Variants in GLCE observed in about 807,000 individuals in gnomAD.
The protein encoded by GLCE is D-glucuronyl C5-epimerase.
Under a neutral mutation model 47.9 loss-of-function variants are expected in GLCE, and 19 were observed. The observed-to-expected ratio is 0.40, with a 90% CI of 0.28 to 0.58. The LOEUF (loss-of-function observed/expected upper bound fraction) is 0.58, where lower values mean the gene tolerates loss of function less well. GLCE is among the 20% of genes least tolerant of loss of function. The pLI is 0.48. For missense variants in GLCE, 556 were observed against 743.3 expected (o/e 0.75, Z 2.93); for synonymous variants, 245 against 263.4 (o/e 0.93, Z 0.68).
At chr15:69,248,224 G>C (rs1343226616) in intron 2 of GLCE, among the ~76,000 whole-genome samples, 1 of 152,136 alleles carries the variant, frequency 6.6e-6, no homozygotes, top group Non-Finnish European at 1.5e-5. Flanking sequence ...ATATTAGGCA[G>C]TTCTCCTTTG....
At chr15:69,246,021 G>A (rs748465507) in intron 2 of GLCE, among the ~76,000 whole-genome samples, 9 of 152,228 alleles carry the variant, frequency 5.9e-5, no homozygotes, top group South Asian at 2.1e-4. Flanking sequence ...GAGCCACCGC[G>A]CCCGGCCAGT....
chr15:69,184,799 G>A (rs893493152), intron 1 of GLCE, among the ~76,000 whole-genome samples: 4 of 152,196 alleles, frequency 2.6e-5, no homozygotes, highest in African/African-American at 9.6e-5. Flanking sequence ...GGGATTCTCA[G>A]ATTCTCTTCA....
At chr15:69,255,491 G>A (rs775258215) in intron 2 of GLCE, among the ~76,000 whole-genome samples, 19 of 152,026 alleles carry the variant, frequency 1.2e-4, no homozygotes, top group Non-Finnish European at 2.6e-4. Context: ...AACTGTATTA[G>A]GTATTTCTTT....
intron 1 of GLCE, among the ~76,000 whole-genome samples, chr15:69,207,824 CTG>C (rs2052173064): frequency 6.6e-6 from 1 of 152,002 alleles, no homozygotes; most frequent in Non-Finnish European, 1.5e-5. Flanking sequence ...AACTGCCAAA[CTG>C]TGTTTCAGGT....
chr15:69,199,625 G>A (rs1036884733), intron 1 of GLCE, among the ~76,000 whole-genome samples: 6 of 152,134 alleles, frequency 3.9e-5, no homozygotes, highest in African/African-American at 4.8e-5. Context: ...TTTTATAGTT[G>A]AGGAAATGGC....
chr15:69,192,101 A>G (rs1206301376), intron 1 of GLCE, among the ~76,000 whole-genome samples: 1 of 152,090 alleles, frequency 6.6e-6, no homozygotes, highest in East Asian at 1.9e-4. Context: ...GTGGGTTTGT[A>G]GTTTTCAACA....
intron 2 of GLCE, 65 bp from the exon 3 acceptor site, chr15:69,255,729 A>G (rs916569448): frequency 8.5e-6 from 8 of 943,740 alleles, no homozygotes; most frequent in African/African-American, 1.7e-5. Context: ...AAGCAAAGAA[A>G]ACTTTATCCT....
chr15:69,206,446 T>A (rs1181633434), intron 1 of GLCE, among the ~76,000 whole-genome samples: 2 of 152,078 alleles, frequency 1.3e-5, no homozygotes, highest in African/African-American at 4.8e-5. Flanking sequence ...GATTGTTTCA[T>A]CTTATGGATA....
In GLCE at chr15:69,261,853, A is replaced by G. The variant is rs530824134; in HGVS notation, c.829+524A>G. 4.7e-4 allele frequency among the ~76,000 whole-genome samples: 72 copies of G among 152,364 alleles called. 1 individual carries two copies. Among genetic ancestry groups the G allele is most frequent in the Admixed American group, 9.1e-4 (14 of 15,308 alleles). On this transcript the variant is annotated intron_variant, in intron 4 of 4. Coordinates refer to ENST00000261858, the MANE Select transcript of GLCE (RefSeq NM_015554.3). ...CATGTAAAGTCATTTTCATTAATAA[A>G]ATAATTAACAAAATCAAATTAACTT...
At chr15:69,229,649 A>G (rs1358061762) in intron 2 of GLCE, among the ~76,000 whole-genome samples, 1 of 152,122 alleles carries the variant, frequency 6.6e-6, no homozygotes, top group Non-Finnish European at 1.5e-5. Context: ...AAAGCAGTAT[A>G]GTTAATATAC....
intron 1 of GLCE, among the ~76,000 whole-genome samples, chr15:69,189,851 C>T (rs945794703): frequency 6.6e-6 from 1 of 151,934 alleles, no homozygotes; most frequent in Non-Finnish European, 1.5e-5. Flanking sequence ...TTCAGGGGTA[C>T]ATGTGCAGGT....
intron 1 of GLCE, among the ~76,000 whole-genome samples, chr15:69,196,016 G>A (rs1032699580): frequency 3.3e-5 from 5 of 152,120 alleles, no homozygotes; most frequent in Non-Finnish European, 7.3e-5. Context: ...ATAAAGGAGG[G>A]AAAGGGGATG....
chr15:69,225,832 C>G (rs1457466539), intron 2 of GLCE, among the ~76,000 whole-genome samples: 9 of 152,068 alleles, frequency 5.9e-5, no homozygotes, highest in Non-Finnish European at 1.3e-4. Context: ...AAGATATAAA[C>G]AAGTTAAACT....
At chr15:69,189,574 G>T (rs891040295) in intron 1 of GLCE, among the ~76,000 whole-genome samples, 1 of 152,206 alleles carries the variant, frequency 6.6e-6, no homozygotes, top group Non-Finnish European at 1.5e-5. Flanking sequence ...TATGGTAAGA[G>T]TATATTTAGT....
intron 2 of GLCE, among the ~76,000 whole-genome samples, chr15:69,233,612 AG>A (rs1272794265): frequency 1.3e-5 from 2 of 152,180 alleles, no homozygotes; most frequent in African/African-American, 4.8e-5. Context: ...TTCAGCACTA[AG>A]GAAAAAGAAC....
At chr15:69,233,661 T>A (rs1238555362) in intron 2 of GLCE, among the ~76,000 whole-genome samples, 1 of 151,534 alleles carries the variant, frequency 6.6e-6, no homozygotes, top group Non-Finnish European at 1.5e-5. Flanking sequence ...TTGTAGGGTA[T>A]GATAAGAAGC....
intron 2 of GLCE, among the ~76,000 whole-genome samples, chr15:69,238,518 C>T (rs1184500693): frequency 1.3e-5 from 2 of 152,118 alleles, no homozygotes; most frequent in African/African-American, 4.8e-5. Flanking sequence ...TAAACCTTTC[C>T]TTTTTCTGTG....
intron 3 of GLCE, among the ~76,000 whole-genome samples, chr15:69,258,247 AT>A (rs60569720): frequency 0.036 from 5,494 of 152,106 alleles, 323 homozygotes; most frequent in African/African-American, 0.13. Flanking sequence ...AACATGCAGT[AT>A]TTGGTTTTCT....
At chr15:69,191,499 C>T (rs1025968693) in intron 1 of GLCE, among the ~76,000 whole-genome samples, 1 of 152,146 alleles carries the variant, frequency 6.6e-6, no homozygotes, top group Non-Finnish European at 1.5e-5. Flanking sequence ...AATCTTCTCC[C>T]AGTGGAATCA....
Sources: allele counts gnomAD v4.1 joint callset (sites outside exome capture counted in the v4.1 genomes callset), GRCh38; gene constraint gnomAD v4.1.1; transcripts MANE v1.5; gene names NCBI Gene and HGNC (gene_info 2026-07-23, HGNC 2026-07-21).